DGKG: variants seen among roughly 807,000 people sequenced by gnomAD.
DGKG encodes diacylglycerol kinase gamma.
Under a neutral mutation model 105.3 loss-of-function variants are expected in DGKG, and 78 were observed. The observed-to-expected ratio is 0.74, with a 90% CI of 0.62 to 0.89. DGKG has a LOEUF of 0.89. Ranked by LOEUF, DGKG falls within the 40% of genes least tolerant of loss-of-function variation. The pLI is 0.00. For missense variants in DGKG, 958 were observed against 1,020.1 expected (o/e 0.94, Z 0.83); for synonymous variants, 346 against 367.1 (o/e 0.94, Z 0.66).
intron 1 of DGKG, among the ~76,000 whole-genome samples, chr3:186,352,543 G>A (rs185279993): frequency 6.6e-6 from 1 of 152,078 alleles, no homozygotes; most frequent in Admixed American, 6.5e-5. Context: ...CAAAGTTAAC[G>A]TGCCCTGAAC....
chr3:186,329,972 T>C (rs1409394278), intron 1 of DGKG, among the ~76,000 whole-genome samples: 2 of 152,208 alleles, frequency 1.3e-5, no homozygotes, highest in Non-Finnish European at 2.9e-5. Context: ...ACAAGATTTC[T>C]AAGAGTTCAT....
chr3:186,153,455 C>T (rs1432645698), intron 24 of DGKG, among the ~76,000 whole-genome samples: 2 of 152,202 alleles, frequency 1.3e-5, no homozygotes, highest in Non-Finnish European at 2.9e-5. Context: ...AAACTATTCA[C>T]ATCACTGACA....
At chr3:186,308,095 C>A (rs144974948) in intron 2 of DGKG, among the ~76,000 whole-genome samples, 12 of 152,168 alleles carry the variant, frequency 7.9e-5, no homozygotes, top group African/African-American at 2.4e-4. Flanking sequence ...CCTTAATGTT[C>A]CCTCTATGTT....
At chr3:186,169,835 T>C (rs1716737725) in intron 22 of DGKG, among the ~76,000 whole-genome samples, 1 of 152,166 alleles carries the variant, frequency 6.6e-6, no homozygotes, top group African/African-American at 2.4e-5. Context: ...ATTGATGATA[T>C]TGGCTGTGGG....
intron 19 of DGKG, among the ~76,000 whole-genome samples, chr3:186,250,094 G>C (rs1721133063): frequency 6.6e-6 from 1 of 152,128 alleles, no homozygotes; most frequent in African/African-American, 2.4e-5. Flanking sequence ...CCTGGCTCCA[G>C]AACAAGGCAC....
chr3:186,185,640 G>T (rs1717590862), intron 22 of DGKG, among the ~76,000 whole-genome samples: 1 of 152,080 alleles, frequency 6.6e-6, no homozygotes, highest in Non-Finnish European at 1.5e-5. Context: ...GGTTGAGATA[G>T]GAGCACCAGG....
intron 24 of DGKG, chr3:186,159,456 G>T (rs989673660): frequency 9.9e-5 from 15 of 152,086 alleles, no homozygotes; most frequent in Non-Finnish European, 1.2e-4. Context: ...TGGGATACAG[G>T]TTATTAATAT....
chr3:186,204,741 A>C (rs1486485780), intron 21 of DGKG, among the ~76,000 whole-genome samples: 3 of 152,076 alleles, frequency 2.0e-5, no homozygotes, highest in African/African-American at 7.2e-5. Flanking sequence ...GTTGCATTGC[A>C]CCTCTATGCT....
chr3:186,286,463 CCTT>C (rs1723074293), intron 6 of DGKG, among the ~76,000 whole-genome samples: 1 of 152,164 alleles, frequency 6.6e-6, no homozygotes. Flanking sequence ...AGTCTTTTAA[CCTT>C]CTTGTGCCTT....
At chr3:186,340,605 A>T (rs1007126455) in intron 1 of DGKG, among the ~76,000 whole-genome samples, 1 of 152,234 alleles carries the variant, frequency 6.6e-6, no homozygotes, top group African/African-American at 2.4e-5. Flanking sequence ...ATGGAATCAC[A>T]TGCACATATT....
At chr3:186,346,932 C>G (rs141274297) in intron 1 of DGKG, among the ~76,000 whole-genome samples, 1 of 152,106 alleles carries the variant, frequency 6.6e-6, no homozygotes, top group South Asian at 2.1e-4. Flanking sequence ...GATTTTCCCT[C>G]TGCAATTGTG....
At chr3:186,356,870 G>A (rs74973453) in intron 1 of DGKG, among the ~76,000 whole-genome samples, 3,361 of 152,302 alleles carry the variant, frequency 0.022, 51 homozygotes, top group South Asian at 0.035. Context: ...GTCTGCTCTT[G>A]TAGGTTTTTG....
chr3:186,321,384 G>A (rs1192078800), intron 1 of DGKG, among the ~76,000 whole-genome samples: 6 of 152,264 alleles, frequency 3.9e-5, no homozygotes, highest in East Asian at 3.9e-4. Flanking sequence ...AGATGGAGTC[G>A]AAAACACTAG....
At chr3:186,250,279 T>G (rs1721145109) in intron 19 of DGKG, among the ~76,000 whole-genome samples, 2 of 152,068 alleles carry the variant, frequency 1.3e-5, no homozygotes, top group South Asian at 4.2e-4. Context: ...AGCTGAACGA[T>G]GAGAACACAT....
At chr3:186,155,808 A>G (rs1220344651) in intron 24 of DGKG, among the ~76,000 whole-genome samples, 2 of 152,264 alleles carry the variant, frequency 1.3e-5, no homozygotes, top group African/African-American at 4.8e-5. Context: ...TACCCTTGAC[A>G]GCAATGAATA....
At chr3:186,152,583 C>A (rs549939539) in intron 24 of DGKG, among the ~76,000 whole-genome samples, 2 of 152,204 alleles carry the variant, frequency 1.3e-5, no homozygotes, top group African/African-American at 4.8e-5. Flanking sequence ...ATAAGCCCTA[C>A]GTGCTGGCAG....
chr3:186,262,061 A>T, intron 14 of DGKG: 1 of 303,010 alleles, frequency 3.3e-6, no homozygotes, highest in Admixed American at 4.8e-5. Context: ...GTGGTCTTGT[A>T]CCTACAGCAC....
chr3:186,358,314 C>T (rs77260849), intron 1 of DGKG, among the ~76,000 whole-genome samples: 1 of 152,246 alleles, frequency 6.6e-6, no homozygotes, highest in Non-Finnish European at 1.5e-5. Flanking sequence ...CAGGACATCT[C>T]TAGGGTGGGC....
At chr3:186,273,066 A>G (rs1334660012) in intron 10 of DGKG, among the ~76,000 whole-genome samples, 1 of 152,104 alleles carries the variant, frequency 6.6e-6, no homozygotes, top group African/African-American at 2.4e-5. Flanking sequence ...GACAATCCAC[A>G]TGACCTTGGG....
Sources: allele counts gnomAD v4.1 joint callset (sites outside exome capture counted in the v4.1 genomes callset), GRCh38; gene constraint gnomAD v4.1.1; transcripts MANE v1.5; gene names NCBI Gene and HGNC (gene_info 2026-07-23, HGNC 2026-07-21).